USP32: variants seen among roughly 807,000 people sequenced by gnomAD.
USP32 encodes ubiquitin carboxyl-terminal hydrolase 32.
In USP32, 59 loss-of-function variants were observed where a neutral mutation model predicts 204.8. That is an observed-to-expected ratio of 0.29 (90% confidence interval 0.23 to 0.36). The LOEUF is 0.36. Ranked by LOEUF, USP32 falls within the 10% of genes least tolerant of loss-of-function variation. The pLI, the probability that USP32 is intolerant of heterozygous loss-of-function variation, is 1.00. For missense variants in USP32, 1,160 were observed against 1,946.4 expected (o/e 0.60, Z 7.60); for synonymous variants, 517 against 678.4 (o/e 0.76, Z 3.70).
intron 7 of USP32, among the ~76,000 whole-genome samples, chr17:60,269,017 G>A (rs532869680): frequency 6.6e-6 from 1 of 152,216 alleles, no homozygotes; most frequent in South Asian, 2.1e-4. Flanking sequence ...GATCATTTTA[G>A]TATTTGACAA....
chr17:60,384,866 G>C (rs1226976660), intron 1 of USP32, among the ~76,000 whole-genome samples: 1 of 151,796 alleles, frequency 6.6e-6, no homozygotes. Flanking sequence ...CCAGCATTTT[G>C]GGAGGTGGAG....
intron 2 of USP32, among the ~76,000 whole-genome samples, chr17:60,319,875 A>T (rs910511445): frequency 1.3e-5 from 2 of 152,168 alleles, no homozygotes; most frequent in African/African-American, 4.8e-5. Context: ...AATAATCTAG[A>T]GATGATTTAA....
At chr17:60,314,448 T>G (rs1202025628) in intron 2 of USP32, among the ~76,000 whole-genome samples, 1 of 151,806 alleles carries the variant, frequency 6.6e-6, no homozygotes, top group Non-Finnish European at 1.5e-5. Context: ...TGGCCCTGTG[T>G]AGCCTTAAAA....
At chr17:60,345,048 T>G (rs1366752308) in intron 2 of USP32, among the ~76,000 whole-genome samples, 1 of 152,204 alleles carries the variant, frequency 6.6e-6, no homozygotes, top group Non-Finnish European at 1.5e-5. Flanking sequence ...AAATAAAAAT[T>G]TAATTAAGTC....
Position 60,391,921 on chromosome 17 carries a change from G to C in USP32, c.19C>G (p.Arg7Gly). The change falls in exon 1 of 34, where the codon CGG becomes GGG. Residue 7 changes from arginine to glycine, a missense_variant. By Grantham distance (125) the Arg-to-Gly change is moderately radical (BLOSUM62 -2). Coordinates refer to ENST00000300896, the MANE Select transcript of USP32 (RefSeq NM_032582.4). Reference sequence around the variant, plus strand: ...TCCTCGTAGCTGAGGAATCCGATCCGTGACTCCTTGGCACCCATGCTCCCC... The same window carrying C: ...TCCTCGTAGCTGAGGAATCCGATCCCTGACTCCTTGGCACCCATGCTCCCC... Reference protein sequence around the residue: MGAKESRIGFLSYEEAL... With the variant: MGAKESGIGFLSYEEAL... 1.9e-6 allele frequency: 3 copies of C among 1,609,194 alleles called. No homozygotes were observed. Among genetic ancestry groups the C allele is most frequent in the Non-Finnish European group, 2.5e-6 (3 of 1,177,794 alleles).
intron 1 of USP32, among the ~76,000 whole-genome samples, chr17:60,383,156 G>A (rs2089674164): frequency 6.7e-6 from 1 of 148,438 alleles, no homozygotes; most frequent in African/African-American, 2.5e-5. Context: ...TGAAGCAGGA[G>A]AATCGCCTCA....
intron 31 of USP32, among the ~76,000 whole-genome samples, chr17:60,182,790 A>T (rs2084146513): frequency 2.0e-5 from 3 of 151,396 alleles, no homozygotes; most frequent in Admixed American, 2.0e-4. Flanking sequence ...AAATAAAATA[A>T]ATTAAAAAAA....
At chr17:60,375,452 C>T (rs933466405) in intron 1 of USP32, among the ~76,000 whole-genome samples, 5 of 152,148 alleles carry the variant, frequency 3.3e-5, no homozygotes, top group Admixed American at 6.5e-5. Context: ...CTTAAAGGAA[C>T]GTCTACAATG....
chr17:60,214,898 T>G, intron 16 of USP32, 124 bp from the exon 17 acceptor site: 1 of 1,500,024 alleles, frequency 6.7e-7, no homozygotes, highest in Non-Finnish European at 8.9e-7. Context: ...GGTGTAATAA[T>G]TTTATAAATG....
chr17:60,250,249 C>A (rs1372446760), intron 11 of USP32, among the ~76,000 whole-genome samples: 1 of 151,854 alleles, frequency 6.6e-6, no homozygotes, highest in African/African-American at 2.4e-5. Flanking sequence ...ATTCTAAGGA[C>A]CAGATGAGAT....
At chr17:60,210,393 A>T (rs1299841496) in intron 21 of USP32, among the ~76,000 whole-genome samples, 1 of 151,724 alleles carries the variant, frequency 6.6e-6, no homozygotes, top group Non-Finnish European at 1.5e-5. Flanking sequence ...CTCATTGCAA[A>T]CACCACCTCC....
chr17:60,320,524 C>T (rs1023974977), intron 2 of USP32, among the ~76,000 whole-genome samples: 5 of 152,132 alleles, frequency 3.3e-5, no homozygotes, highest in South Asian at 2.1e-4. Context: ...AGTCATCAAA[C>T]GTGCACACCG....
In USP32 at chr17:60,276,946, C is replaced by CATATATATATATATATATAT. The variant is rs35211470; in HGVS notation, c.572-5485_572-5466dup. The stretch of plus-strand genomic sequence containing the variant: ...AGCAAGCTAAAGTAGATTACATATA[C>CATATATATATATATATATAT]ATATATATATATATATATATAAAAT... On this transcript the variant is annotated intron_variant, in intron 5 of 33. Coordinates refer to ENST00000300896, the MANE Select transcript of USP32 (RefSeq NM_032582.4). 2.4e-3 allele frequency among the ~76,000 whole-genome samples: 340 copies of CATATATATATATATATATAT among 140,690 alleles called. 2 individuals are homozygous for CATATATATATATATATATAT. The highest frequency in any genetic ancestry group is 9.1e-3 in the African/African-American group (329 of 35,990). The allele number at this position is 140,690 out of a possible 152,430, so 92.3% of individuals were successfully genotyped here.
intron 1 of USP32, among the ~76,000 whole-genome samples, chr17:60,368,809 G>C (rs930174488): frequency 3.7e-4 from 57 of 152,052 alleles, no homozygotes; most frequent in African/African-American, 1.3e-3. Flanking sequence ...AAGCGAAAGT[G>C]TACAAACATT....
rs1471271892 is a variant in USP32 at position 60,178,107 on chromosome 17, A to G, written c.*1148T>C. ...AAAAGACAAATATCAAAATAAAAAA[A>G]TTAGTGGACATGCAAACAAAGCAAA... is the stretch of plus-strand genomic sequence containing the variant. On this transcript the variant is annotated 3_prime_UTR_variant, in exon 34 of 34. Coordinates refer to ENST00000300896, the MANE Select transcript of USP32 (RefSeq NM_032582.4). Among the ~76,000 whole-genome samples the G allele has an allele frequency of 6.6e-6, 1 of 152,258 alleles. No homozygotes were observed. Among genetic ancestry groups the G allele is most frequent in the Non-Finnish European group, 1.5e-5 (1 of 68,050 alleles).
intron 1 of USP32, 51 bp downstream of exon 1, chr17:60,391,831 C>T (rs768342871): frequency 2.5e-6 from 4 of 1,583,976 alleles, no homozygotes; most frequent in East Asian, 2.3e-5. Context: ...ACCCTCCAGG[C>T]TGCCCGTCGC....
Position 60,181,490 on chromosome 17 carries a change from G to C in USP32, c.4382C>G (p.Pro1461Arg). 1 of 1,614,006 alleles carries C rather than the reference G, an allele frequency of 6.2e-7. No individual in the cohort carries two copies. Among genetic ancestry groups the C allele is most frequent in the Non-Finnish European group, 8.5e-7 (1 of 1,179,872 alleles). The change falls in exon 32 of 34, where the codon CCT becomes CGT. Residue 1461 changes from proline (P) to arginine (R), a missense_variant. Pro to Arg is a moderately radical substitution (Grantham distance 103). Transcript: ENST00000300896. ...GGCCAAAGCTACCTCATGGTCCTGA[G>C]GAGTGACCAACTCTGGTTGGCTGCC... ...LGGSQPELVT[P>R]QDHEVALANG...
At chr17:60,240,272 G>A (rs532713894) in intron 11 of USP32, among the ~76,000 whole-genome samples, 1 of 151,976 alleles carries the variant, frequency 6.6e-6, no homozygotes, top group Non-Finnish European at 1.5e-5. Context: ...TCCACCTCAG[G>A]GTTTGCTTTC....
In USP32 at chr17:60,226,040, G is replaced by A. The variant is rs76017156; in HGVS notation, c.1431C>T (p.Ser477=). The A allele has an allele frequency of 3.1e-4, 494 of 1,596,362 alleles. 3 individuals are homozygous for A. In the African/African-American group the frequency reaches 4.8e-3, roughly 16 times the overall value. The change falls in exon 13 of 34, where the codon AGC becomes AGT. Residue 477 remains serine (S), a splice_region_variant and synonymous_variant. Transcript: ENST00000300896. ...TASEASETAG[S]GFLYSATPGA... is the part of the protein sequence containing the mutation. ...CTCAGGGGAATAGGTCATATTTACCGCTGCCAGCAGTTTCTGAGGCTTCAG... is the reference window on the plus strand; with the variant it reads ...CTCAGGGGAATAGGTCATATTTACCACTGCCAGCAGTTTCTGAGGCTTCAG...
Sources: gnomAD v4.1 joint callset for allele counts (sites outside exome capture counted in the v4.1 genomes callset) on GRCh38, gnomAD v4.1.1 for gene constraint, MANE v1.5 for transcripts, NCBI Gene and HGNC (gene_info 2026-07-23, HGNC 2026-07-21) for gene names.